Variants in CDH26 observed in about 807,000 individuals in gnomAD.
CDH26 encodes cadherin-like protein 26.
CDH26 carries 83 observed loss-of-function variants against 90.3 expected under a neutral mutation model. The observed-to-expected ratio is 0.92, with a 90% confidence interval of 0.77 to 1.10. The LOEUF (loss-of-function observed/expected upper bound fraction) is 1.10. CDH26 is among the 50% of genes least tolerant of loss of function. The pLI is 0.00. For synonymous variants in CDH26, 397 were observed against 396.3 expected, an observed-to-expected ratio of 1.00 and a Z score of -0.02; for missense variants, 1,013 against 1,037.6, an observed-to-expected ratio of 0.98 and a Z score of 0.33.
intron 8 of CDH26, among the ~76,000 whole-genome samples, chr20:60,032,203 GC>G (rs1365785195): frequency 6.6e-6 from 1 of 152,120 alleles, no homozygotes; most frequent in Non-Finnish European, 1.5e-5. Context: ...AACCACCAAG[GC>G]TTTTAACCCA....
At chr20:60,006,626 A>G (rs902065518) in intron 16 of CDH26, 87 bp from the exon 17 acceptor site, 1 of 924,486 alleles carries the variant, frequency 1.1e-6, no homozygotes, top group African/African-American at 1.6e-5. Flanking sequence ...AGTGTGCCCC[A>G]TCTATGCTGG....
rs140071230 is a variant in CDH26 at position 59,980,038 on chromosome 20, C to T, written c.394-2885C>T. Among the ~76,000 whole-genome samples the T allele has an allele frequency of 1.0e-3, 159 of 152,238 alleles. 1 individual carries two copies. Among genetic ancestry groups the T allele is most frequent in the African/African-American group, 3.6e-3 (151 of 41,538 alleles). ...TTTAACTCGATAAGCAATTCCCAAA[C>T]GATTTCTCAGAATAACTGAACAATT... is the stretch of plus-strand genomic sequence containing the variant. On this transcript the variant is annotated intron_variant, in intron 4 of 17. Transcript: ENST00000348616.
downstream of CDH26, among the ~76,000 whole-genome samples, chr20:60,017,399 T>TA (rs1322023320): frequency 3.9e-5 from 6 of 152,182 alleles, no homozygotes; most frequent in Middle Eastern, 3.4e-3. Context: ...TACCGGCATA[T>TA]AGTTGTTCAC....
At chr20:59,987,109 TAG>T (rs2061468614) in intron 7 of CDH26, among the ~76,000 whole-genome samples, 2 of 152,220 alleles carry the variant, frequency 1.3e-5, no homozygotes, top group African/African-American at 2.4e-5. Context: ...CTAGGATTTT[TAG>T]AGAGCATAAA....
chr20:59,988,146 A>G (rs2061481598), intron 8 of CDH26, among the ~76,000 whole-genome samples: 1 of 152,102 alleles, frequency 6.6e-6, no homozygotes, highest in African/African-American at 2.4e-5. Flanking sequence ...TAATATTACC[A>G]TCTCATTTAC....
intron 1 of CDH26, among the ~76,000 whole-genome samples, chr20:59,967,853 CTTT>C (rs2061176101): frequency 2.0e-5 from 2 of 100,128 alleles, no homozygotes; most frequent in Non-Finnish European, 3.6e-5. Context: ...TTCTTTCTTT[CTTT>C]CTTTCTTTCT....
At chr20:60,012,415 G>A (rs2061857166) in intron 17 of CDH26, 112 bp from the exon 18 acceptor site, 3 of 945,370 alleles carry the variant, frequency 3.2e-6, no homozygotes, top group Non-Finnish European at 4.7e-6. Context: ...AGGACACGGG[G>A]CCTGAGTGCT....
chr20:59,967,919 CT>C (rs1418570463), intron 1 of CDH26, among the ~76,000 whole-genome samples: 14 of 135,310 alleles, frequency 1.0e-4, no homozygotes, highest in African/African-American at 3.6e-4. Flanking sequence ...CTTTCCTTTC[CT>C]TTCCTTTCCT....
Position 59,958,472 on chromosome 20 carries a change from C to A in CDH26, c.-255C>A. 2.1e-6 allele frequency: 1 copy of A among 473,806 alleles called. No individual in the cohort carries two copies. The highest frequency in any genetic ancestry group is 3.8e-6 in the Non-Finnish European group (1 of 263,412). The allele number at this position is 473,806 out of a possible 1,614,324, so 29.4% of individuals were successfully genotyped here. On this transcript the variant is annotated 5_prime_UTR_variant, in exon 1 of 18. Transcript: ENST00000348616. The stretch of plus-strand genomic sequence containing the variant: ...GACCATGGTGGCTTTAGTTTCTACC[C>A]CACCCTTCCTAGGAACTCTACTTGT...
At chr20:60,004,572 C>G (rs1348134382) in intron 16 of CDH26, among the ~76,000 whole-genome samples, 1 of 151,940 alleles carries the variant, frequency 6.6e-6, no homozygotes, top group African/African-American at 2.4e-5. Flanking sequence ...AGAGACCATC[C>G]TGGCTAACAT....
intron 7 of CDH26, among the ~76,000 whole-genome samples, chr20:59,986,598 T>G (rs2061461239): frequency 6.8e-6 from 1 of 147,488 alleles, no homozygotes; most frequent in Non-Finnish European, 1.5e-5. Context: ...TCAGTTTTAT[T>G]TATTTTATAA....
chr20:59,992,538 AT>A lies in CDH26; in HGVS notation c.1426+20del. ...TGATGATGGTGAGTGTTTACCCAAA[AT>A]TGGAAAAATAAAATGCTCATTCTTG... On this transcript the variant is annotated intron_variant, in intron 10 of 17. Coordinates refer to ENST00000348616, the MANE Select transcript of CDH26 (RefSeq NM_177980.4). This position sits in a 1 kb window ranked among gnomAD's most constrained non-coding sequence, Gnocchi z 5.0. 1 of 1,612,184 alleles carries A rather than the reference AT, an allele frequency of 6.2e-7. No homozygotes were observed. The highest frequency in any genetic ancestry group is 1.1e-5 in the South Asian group (1 of 90,986).
intron 4 of CDH26, among the ~76,000 whole-genome samples, chr20:59,978,378 CTTTT>C (rs112134656): frequency 7.0e-6 from 1 of 143,392 alleles, no homozygotes. Context: ...TTTATACTTA[CTTTT>C]TTTTTTTTTT....
chr20:59,999,891 C>G (rs1446029781), intron 14 of CDH26, among the ~76,000 whole-genome samples: 4 of 152,222 alleles, frequency 2.6e-5, no homozygotes, highest in Non-Finnish European at 4.4e-5. Context: ...TCAGATGACC[C>G]TGTGCTTCCA....
At chr20:59,983,183 C>A in intron 5 of CDH26, 113 bp downstream of exon 5, 1 of 1,267,442 alleles carries the variant, frequency 7.9e-7, no homozygotes, top group Non-Finnish European at 1.1e-6. Flanking sequence ...TTTTACTGTT[C>A]ACATCTCAAA....
At chr20:60,019,267 G>A (rs1458296755), downstream of CDH26, among the ~76,000 whole-genome samples, 2 of 152,104 alleles carry the variant, frequency 1.3e-5, no homozygotes, top group Non-Finnish European at 1.5e-5. Flanking sequence ...AACAGGAATT[G>A]GGATGTTTCC....
intron 1 of CDH26, among the ~76,000 whole-genome samples, chr20:59,963,145 T>C (rs1167663745): frequency 6.6e-6 from 1 of 152,112 alleles, no homozygotes; most frequent in African/African-American, 2.4e-5. Flanking sequence ...CACTTATACA[T>C]GTACGTATGT....
At chr20:59,969,959 G>A in intron 2 of CDH26, 123 bp from the exon 3 acceptor site, 3 of 1,413,128 alleles carry the variant, frequency 2.1e-6, no homozygotes, top group Non-Finnish European at 2.8e-6. Flanking sequence ...TGGCTGTTCT[G>A]GCGATGAGAG....
intron 13 of CDH26, 102 bp from the exon 14 acceptor site, chr20:59,999,484 A>T: frequency 1.0e-6 from 1 of 955,500 alleles, no homozygotes; most frequent in South Asian, 1.4e-5. Flanking sequence ...GATGGCATAG[A>T]TACAATGTGT....
Sources: gnomAD v4.1 joint callset for allele counts (sites outside exome capture counted in the v4.1 genomes callset) on GRCh38, gnomAD v4.1.1 for gene constraint, Gnocchi (gnomAD v3.1) non-coding constraint, MANE v1.5 for transcripts, NCBI Gene and HGNC (gene_info 2026-07-23, HGNC 2026-07-21) for gene names.